Variants in SGPL1 observed in about 807,000 individuals in gnomAD.
SGPL1 encodes SP-lyase 1.
In SGPL1, 37 loss-of-function variants were observed where a neutral mutation model predicts 68.9. That is an observed-to-expected ratio of 0.54 (90% CI 0.41 to 0.71). The LOEUF (loss-of-function observed/expected upper bound fraction) is 0.71, where lower values mean the gene tolerates loss of function less well. SGPL1 is among the 30% of genes least tolerant of loss of function. The probability of loss-of-function intolerance (pLI) is 0.00; values close to 1 mark genes in which losing one functional copy is unlikely to be tolerated. For synonymous variants in SGPL1, 236 were observed against 248.5 expected (o/e 0.95, Z 0.47); for missense variants, 551 against 704.6 (o/e 0.78, Z 2.47).
rs771605470 is a variant in SGPL1, at chr10:70,873,467, C to T, written c.1176C>T (p.Ile392=). The T allele has an allele frequency of 1.7e-5, 27 of 1,614,140 alleles. No individual in the cohort carries two copies. In the East Asian group the frequency reaches 3.1e-4, roughly 19 times the overall value. The change falls in exon 12 of 15, where the codon ATC becomes ATT. Residue 392 remains isoleucine (I), a synonymous_variant. Transcript: ENST00000373202. The part of the protein sequence containing the change: ...WQGGIYASPT[I]AGSRPGGISA... ...GTGGCATCTATGCTTCCCCAACCATCGCAGGCTCACGGCCTGGTGGCATTA... is the reference window on the plus strand; with the variant it reads ...GTGGCATCTATGCTTCCCCAACCATTGCAGGCTCACGGCCTGGTGGCATTA...
rs552873629 is a variant in SGPL1, at chr10:70,817,009, A to G, written c.27+129A>G. On this transcript the variant is annotated intron_variant, in intron 2 of 14. Transcript: ENST00000373202. ...GTAGCTGAGCGTTTTGCCACCTTTT[A>G]TTTTGTTTTGTTTTGTTTTGTTTTT... The G allele has an allele frequency of 1.8e-5, 17 of 966,592 alleles. No individual in the cohort carries two copies. In the African/African-American group the frequency reaches 1.9e-4, roughly 11 times the overall value. The allele number at this position is 966,592 out of a possible 1,614,324, so 59.9% of individuals were successfully genotyped here.
chr10:70,851,314 C>T (rs770143381), intron 4 of SGPL1, 104 bp downstream of exon 4: 9 of 986,440 alleles, frequency 9.1e-6, no homozygotes, highest in Middle Eastern at 2.3e-4. Context: ...GTGATTTTGT[C>T]TCTTACCTCC....
At chr10:70,847,534 C>T (rs1236896991) in intron 3 of SGPL1, among the ~76,000 whole-genome samples, 1 of 152,046 alleles carries the variant, frequency 6.6e-6, no homozygotes, top group South Asian at 2.1e-4. Flanking sequence ...ATAATAAGAA[C>T]AAAATTAAAA....
chr10:70,865,144 G>A (rs1463338049), intron 7 of SGPL1, among the ~76,000 whole-genome samples: 1 of 151,964 alleles, frequency 6.6e-6, no homozygotes, highest in African/African-American at 2.4e-5. Flanking sequence ...TGACTTTGCG[G>A]TACAGTTTCA....
Position 70,880,205 on chromosome 10 carries a change from T to C in SGPL1, c.*2870T>C, listed in dbSNP as rs1436750138. The C allele has an allele frequency of 1.3e-5, 2 of 152,430 alleles. No individual in the cohort carries two copies. Among genetic ancestry groups the C allele is most frequent in the Non-Finnish European group, 2.9e-5 (2 of 68,022 alleles). The allele number at this position is 152,430 out of a possible 1,614,324, so 9.4% of individuals were successfully genotyped here. On this transcript the variant is annotated 3_prime_UTR_variant, in exon 15 of 15. Transcript: ENST00000373202. ...GCTTGAATGGGCTCCTGGTGAGAGA[T>C]TGCCCCCTGGTGGTGAAACAATCGT...
chr10:70,818,181 C>T lies in SGPL1; in HGVS notation c.27+1301C>T, dbSNP rs189619685. On this transcript the variant is annotated intron_variant, in intron 2 of 14. Transcript: ENST00000373202. The stretch of plus-strand genomic sequence containing the variant: ...TGTCTCCCAGGCTGGAGTGCAATGG[C>T]ACAATCTCAGCTCATTGCAACCTTT... Among the ~76,000 whole-genome samples the T allele has an allele frequency of 9.2e-3, 1,406 of 152,260 alleles. 13 individuals carry two copies. The highest frequency in any genetic ancestry group is 0.016 in the Non-Finnish European group (1,069 of 68,024).
intron 11 of SGPL1, among the ~76,000 whole-genome samples, chr10:70,872,781 T>C (rs1428101320): frequency 6.6e-6 from 1 of 152,236 alleles, no homozygotes; most frequent in Admixed American, 6.5e-5. Context: ...GTAATGAAAT[T>C]AGTTCCACGT....
chr10:70,830,804 T>TTGTTAACAGCAA (rs1845521552), intron 2 of SGPL1, among the ~76,000 whole-genome samples: 1 of 152,212 alleles, frequency 6.6e-6, no homozygotes, highest in Admixed American at 6.5e-5. Context: ...CAAAGATCTC[T>TTGTTAACAGCAA]AGCTTTTGTT....
chr10:70,846,605 C>T (rs965680055), intron 3 of SGPL1, among the ~76,000 whole-genome samples: 2 of 152,142 alleles, frequency 1.3e-5, no homozygotes, highest in African/African-American at 4.8e-5. Flanking sequence ...TACTCTCTCC[C>T]GCATCCCCTG....
intron 2 of SGPL1, among the ~76,000 whole-genome samples, chr10:70,839,918 C>T (rs1166948304): frequency 1.4e-5 from 2 of 139,022 alleles, no homozygotes; most frequent in Non-Finnish European, 3.2e-5. Flanking sequence ...ATAAAAATTG[C>T]AAAAAAAAAA....
At chr10:70,822,140 G>T (rs1418679761) in intron 2 of SGPL1, among the ~76,000 whole-genome samples, 1 of 152,172 alleles carries the variant, frequency 6.6e-6, no homozygotes, top group African/African-American at 2.4e-5. Flanking sequence ...TAGGAGCTCT[G>T]TTCTATTATT....
intron 2 of SGPL1, among the ~76,000 whole-genome samples, chr10:70,826,244 T>C (rs1477119017): frequency 6.6e-6 from 1 of 152,164 alleles, no homozygotes; most frequent in Non-Finnish European, 1.5e-5. Context: ...TACAATACAG[T>C]ACTACAGTAC....
At chr10:70,846,267 CCTT>C (rs1354228097) in intron 3 of SGPL1, among the ~76,000 whole-genome samples, 2 of 152,142 alleles carry the variant, frequency 1.3e-5, no homozygotes, top group Non-Finnish European at 2.9e-5. Flanking sequence ...TAGCTTGTGT[CCTT>C]CTGCTCTTGC....
chr10:70,844,733 G>A, intron 3 of SGPL1, 95 bp downstream of exon 3: 10 of 1,213,714 alleles, frequency 8.2e-6, no homozygotes, highest in Non-Finnish European at 1.2e-5. Flanking sequence ...CCTTTTGGTT[G>A]TTTTTTTGTT....
At chr10:70,863,728 C>A (rs546745558) in intron 7 of SGPL1, among the ~76,000 whole-genome samples, 3 of 152,336 alleles carry the variant, frequency 2.0e-5, no homozygotes, top group African/African-American at 7.2e-5. Flanking sequence ...TTCCTTGTTA[C>A]ACATTCTTGA....
chr10:70,826,923 C>G (rs1326315829), intron 2 of SGPL1, among the ~76,000 whole-genome samples: 1 of 152,124 alleles, frequency 6.6e-6, no homozygotes, highest in Non-Finnish European at 1.5e-5. Flanking sequence ...AGTTATTTAT[C>G]CATTTGACTT....
chr10:70,846,397 A>C (rs923666298), intron 3 of SGPL1, among the ~76,000 whole-genome samples: 13 of 152,262 alleles, frequency 8.5e-5, no homozygotes, highest in Admixed American at 2.0e-4. Flanking sequence ...TTAAAAAAAA[A>C]ATCAGTCTCT....
In SGPL1 at chr10:70,847,307, C is replaced by T. The variant is rs200433706; in HGVS notation, c.193+2669C>T. Among the ~76,000 whole-genome samples the T allele has an allele frequency of 2.6e-5, 4 of 152,200 alleles. No homozygotes were observed. The East Asian group carries it at 7.7e-4, about 29-fold the overall frequency. On this transcript the variant is annotated intron_variant, in intron 3 of 14. Coordinates refer to ENST00000373202, the MANE Select transcript of SGPL1 (RefSeq NM_003901.4). ...GGGATTATAGGTGCCCACTATCACG[C>T]CTGCCTAATTTTTGTATTTTTAGTA...
intron 4 of SGPL1, among the ~76,000 whole-genome samples, chr10:70,853,389 A>G (rs1845916472): frequency 6.6e-6 from 1 of 152,180 alleles, no homozygotes; most frequent in South Asian, 2.1e-4. Context: ...TATTGCTGAA[A>G]CAATAGCACT....
Sources: allele counts gnomAD v4.1 joint callset (sites outside exome capture counted in the v4.1 genomes callset), GRCh38; gene constraint gnomAD v4.1.1; transcripts MANE v1.5; gene names NCBI Gene and HGNC (gene_info 2026-07-23, HGNC 2026-07-21).